The following HEMK2 variants were observed in gnomAD, a reference collection of about 807,000 sequenced individuals.
HEMK2 encodes methyltransferase HEMK2.
At chr21:28,795,397 CA>C in the HEMK2 span, among the ~76,000 whole-genome samples, 2,072 of 149,874 alleles carry the variant, frequency 0.014, 38 homozygotes, top group African/African-American at 0.048. Flanking sequence ...ATAAGGACCT[CA>C]AAAAAAAAAT....
the HEMK2 span, among the ~76,000 whole-genome samples, chr21:28,788,238 G>GTA: frequency 5.5e-5 from 6 of 109,946 alleles, no homozygotes; most frequent in Non-Finnish European, 8.2e-5. Context: ...ACGTATATAC[G>GTA]TATATATGTA....
the HEMK2 span, among the ~76,000 whole-genome samples, chr21:28,673,288 ATT>A: frequency 1.3e-5 from 2 of 152,220 alleles, no homozygotes; most frequent in Non-Finnish European, 2.9e-5. Flanking sequence ...CAAATGAATC[ATT>A]CATAACTGTT....
the HEMK2 span, among the ~76,000 whole-genome samples, chr21:28,777,450 G>T: frequency 6.6e-6 from 1 of 152,102 alleles, no homozygotes; most frequent in Non-Finnish European, 1.5e-5. Flanking sequence ...GTAGTCACAT[G>T]CCCATCCCTA....
the HEMK2 span, chr21:28,885,151 C>T: frequency 6.8e-7 from 1 of 1,479,000 alleles, no homozygotes; most frequent in Non-Finnish European, 9.1e-7. Context: ...CGGCCCTCCT[C>T]CACCGCACTT....
the HEMK2 span, among the ~76,000 whole-genome samples, chr21:28,867,746 T>C: frequency 6.6e-6 from 1 of 152,170 alleles, no homozygotes; most frequent in African/African-American, 2.4e-5. Context: ...AGTGCAGGGA[T>C]TACATCACGT....
At chr21:28,830,640 G>T in the HEMK2 span, among the ~76,000 whole-genome samples, 1 of 152,232 alleles carries the variant, frequency 6.6e-6, no homozygotes, top group Non-Finnish European at 1.5e-5. Context: ...CACTTTGGGA[G>T]ACCAAGGTGG....
the HEMK2 span, among the ~76,000 whole-genome samples, chr21:28,835,251 C>G: frequency 6.6e-6 from 1 of 152,118 alleles, no homozygotes; most frequent in Non-Finnish European, 1.5e-5. Flanking sequence ...GCACCCCACG[C>G]CCCCTCCACC....
At chr21:28,723,814 T>G in the HEMK2 span, among the ~76,000 whole-genome samples, 1 of 152,232 alleles carries the variant, frequency 6.6e-6, no homozygotes, top group Admixed American at 6.5e-5. Flanking sequence ...ATAATTCAGC[T>G]TCTTTCCAGC....
chr21:28,654,900 C>T, the HEMK2 span, among the ~76,000 whole-genome samples: 1 of 152,042 alleles, frequency 6.6e-6, no homozygotes, highest in East Asian at 1.9e-4. Flanking sequence ...TTTCCACCTG[C>T]TTACTTGAAT....
At chr21:28,882,880 T>C in the HEMK2 span, 1 of 694,126 alleles carries the variant, frequency 1.4e-6, no homozygotes, top group Non-Finnish European at 2.2e-6. Flanking sequence ...GTTTTTGCTA[T>C]GCTTAAATAC....
the HEMK2 span, among the ~76,000 whole-genome samples, chr21:28,744,098 G>A: frequency 6.6e-6 from 1 of 151,608 alleles, no homozygotes; most frequent in Non-Finnish European, 1.5e-5. Flanking sequence ...GGTGGGGGCT[G>A]GGAAGAGGGA....
chr21:28,595,235 G>A, the HEMK2 span, among the ~76,000 whole-genome samples: 3,557 of 152,100 alleles, frequency 0.023, 155 homozygotes, highest in African/African-American at 0.082. Flanking sequence ...ATTGACTATA[G>A]TCACCCTGTT....
the HEMK2 span, among the ~76,000 whole-genome samples, chr21:28,625,551 C>G: frequency 4.6e-5 from 7 of 151,994 alleles, no homozygotes; most frequent in Non-Finnish European, 8.8e-5. Context: ...GAAACCCCGT[C>G]TGTACTAAAA....
At chr21:28,681,489 T>C in the HEMK2 span, among the ~76,000 whole-genome samples, 1 of 152,000 alleles carries the variant, frequency 6.6e-6, no homozygotes, top group African/African-American at 2.4e-5. Flanking sequence ...AGGTAATTTA[T>C]AGATTCAATG....
the HEMK2 span, among the ~76,000 whole-genome samples, chr21:28,723,361 T>C: frequency 1.3e-5 from 2 of 152,186 alleles, no homozygotes; most frequent in East Asian, 1.9e-4. Context: ...TACATGTCAC[T>C]GCACACTTGC....
the HEMK2 span, among the ~76,000 whole-genome samples, chr21:28,661,106 C>T: frequency 2.0e-5 from 3 of 151,856 alleles, no homozygotes; most frequent in South Asian, 6.2e-4. Flanking sequence ...CTATTTTTTC[C>T]TCATCATTCT....
the HEMK2 span, among the ~76,000 whole-genome samples, chr21:28,878,931 A>G: frequency 6.8e-6 from 1 of 148,082 alleles, no homozygotes; most frequent in African/African-American, 2.4e-5. Flanking sequence ...TTATATTTAT[A>G]TATTATTAAA....
At chr21:28,721,464 C>A in the HEMK2 span, among the ~76,000 whole-genome samples, 1 of 152,048 alleles carries the variant, frequency 6.6e-6, no homozygotes, top group Admixed American at 6.5e-5. Flanking sequence ...ACATAATAGG[C>A]ATTAAAAGTA....
At chr21:28,592,774 T>C in the HEMK2 span, among the ~76,000 whole-genome samples, 1 of 152,218 alleles carries the variant, frequency 6.6e-6, no homozygotes, top group Non-Finnish European at 1.5e-5. Flanking sequence ...GTTGCTGCTG[T>C]TGTTGCTGTT....
Sources: gnomAD v4.1 joint callset for allele counts (sites outside exome capture counted in the v4.1 genomes callset) on GRCh38, gnomAD v4.1.1 for gene constraint, MANE v1.5 for transcripts, NCBI Gene and HGNC (gene_info 2026-07-23, HGNC 2026-07-21) for gene names.